MEF2C: variants seen among roughly 807,000 people sequenced by gnomAD.
MEF2C encodes myocyte-specific enhancer factor 2C.
In MEF2C, 6 loss-of-function variants were observed where a neutral mutation model predicts 50.5. The ratio of observed to expected loss-of-function variants is 0.12; its 90% confidence interval spans 0.07 to 0.23. The LOEUF is 0.23. Among genes scored for constraint, MEF2C ranks in the 10% least tolerant of loss-of-function variants. MEF2C has a pLI of 1.00. For synonymous variants in MEF2C, 183 were observed against 228.0 expected (o/e 0.80, Z 1.78); for missense variants, 276 against 605.0 (o/e 0.46, Z 5.70).
chr5:88,734,105 A>G, intron 6 of MEF2C: 2 of 984,936 alleles, frequency 2.0e-6, no homozygotes, highest in Non-Finnish European at 2.4e-6. Context: ...GAGGAGTTTT[A>G]TATTTAATAT....
chr5:88,876,010 T>C (rs1830941485), intron 1 of MEF2C, among the ~76,000 whole-genome samples: 1 of 151,562 alleles, frequency 6.6e-6, no homozygotes, highest in Non-Finnish European at 1.5e-5. Flanking sequence ...TTCTTTATCC[T>C]GAGTGTAATT....
At position 88,751,402 on chromosome 5, in the gene MEF2C, A is replaced by G. The variant is rs906028019; in HGVS notation, c.589+455T>C. 20 of 985,234 alleles carry G rather than the reference A, an allele frequency of 2.0e-5. No homozygotes were observed. The African/African-American group carries it at 3.3e-4, about 16-fold the overall frequency. The allele number at this position is 985,234 out of a possible 1,614,324, so 61.0% of individuals were successfully genotyped here. ...TTCTGCCTAAGTCCTTTGTGGGATA[A>G]GTTACTGTATAAATAAAAAAAAATT... is the stretch of plus-strand genomic sequence containing the variant. On this transcript the variant is annotated intron_variant, in intron 5 of 10. Transcript: ENST00000504921.
intron 3 of MEF2C, among the ~76,000 whole-genome samples, chr5:88,795,913 A>T (rs1423815939): frequency 6.6e-6 from 1 of 151,926 alleles, no homozygotes; most frequent in Non-Finnish European, 1.5e-5. Context: ...GGTTTTTGTC[A>T]TTGTTTCTGT....
intron 1 of MEF2C, among the ~76,000 whole-genome samples, chr5:88,829,849 A>G (rs957392522): frequency 3.3e-5 from 5 of 151,976 alleles, no homozygotes; most frequent in African/African-American, 1.2e-4. Context: ...CATAACTGGG[A>G]AAAAAATCTT....
intron 3 of MEF2C, among the ~76,000 whole-genome samples, chr5:88,784,664 A>G (rs1488218289): frequency 6.6e-6 from 1 of 152,242 alleles, no homozygotes; most frequent in Non-Finnish European, 1.5e-5. Context: ...ATAATATAAT[A>G]TCAAAGGTAA....
intron 6 of MEF2C, chr5:88,737,620 G>T: frequency 3.0e-6 from 3 of 985,320 alleles, no homozygotes; most frequent in Non-Finnish European, 3.6e-6. Flanking sequence ...ATGGTGGCAG[G>T]GTGGCTATTA....
At chr5:88,801,585 C>T (rs73177793) in intron 3 of MEF2C, among the ~76,000 whole-genome samples, 10 of 152,014 alleles carry the variant, frequency 6.6e-5, no homozygotes, top group African/African-American at 1.7e-4. Context: ...CTCTCCCTCC[C>T]GTGTTCAGGC....
At chr5:88,738,701 A>G (rs1288223360) in intron 6 of MEF2C, 2 of 985,276 alleles carry the variant, frequency 2.0e-6, no homozygotes, top group Non-Finnish European at 2.4e-6. Context: ...GAGAGGACAC[A>G]ACTAGGGACA....
intron 4 of MEF2C, among the ~76,000 whole-genome samples, chr5:88,760,711 T>C (rs1777462849): frequency 6.6e-6 from 1 of 152,200 alleles, no homozygotes; most frequent in South Asian, 2.1e-4. Flanking sequence ...ACTGTGTGTT[T>C]AAAAGATTGT....
chr5:88,851,169 G>C (rs950363935), intron 1 of MEF2C, among the ~76,000 whole-genome samples: 2 of 145,994 alleles, frequency 1.4e-5, no homozygotes, highest in Non-Finnish European at 3.0e-5. Context: ...GGAGGTGGAG[G>C]TTGCAGTGAG....
At chr5:88,779,468 A>G (rs1786622053) in intron 3 of MEF2C, among the ~76,000 whole-genome samples, 1 of 152,168 alleles carries the variant, frequency 6.6e-6, no homozygotes, top group Admixed American at 6.5e-5. Flanking sequence ...GATAGATAGA[A>G]ATCAATGAAA....
At chr5:88,849,105 C>T (rs958858621) in intron 1 of MEF2C, among the ~76,000 whole-genome samples, 4 of 145,914 alleles carry the variant, frequency 2.7e-5, no homozygotes, top group Admixed American at 7.0e-5. Context: ...GAGCCGAGAT[C>T]GCGCCAGTGC....
rs1756356236 is a variant in MEF2C, at chr5:88,721,552, TTAAGA to T, written c.*1047_*1051del. On this transcript the variant is annotated 3_prime_UTR_variant, in exon 11 of 11. Transcript: ENST00000504921. Reference sequence around the variant, plus strand: ...GCACAAATATACCCCCCTCCCGCTATTAAGATAACAAAACTTCTGCTATTACCATA... The same window carrying T: ...GCACAAATATACCCCCCTCCCGCTATTAACAAAACTTCTGCTATTACCATA... 6.5e-6 allele frequency: 1 copy of T among 152,692 alleles called. No individual in the cohort carries two copies. Among genetic ancestry groups the T allele is most frequent in the South Asian group, 2.1e-4 (1 of 4,828 alleles). 9.5% of individuals were successfully genotyped at this position (152,692 alleles called of 1,614,324 possible).
In MEF2C at chr5:88,719,493, G is replaced by A. The variant is rs1755569975; in HGVS notation, c.*3111C>T. 1 of 152,208 alleles carries A rather than the reference G, an allele frequency of 6.6e-6. No individual in the cohort carries two copies. 9.4% of individuals were successfully genotyped at this position (152,208 alleles called of 1,614,324 possible). A position where few individuals can be genotyped will look rare whatever the true frequency, so the allele number is the denominator to read the frequency against. Reference sequence around the variant, plus strand: ...TAGATATAACAATACTCGCAGCCGTGTAAAATGCCACTTATGGATCTTTTA... The same window carrying A: ...TAGATATAACAATACTCGCAGCCGTATAAAATGCCACTTATGGATCTTTTA... On this transcript the variant is annotated 3_prime_UTR_variant, in exon 11 of 11. Transcript: ENST00000504921.
chr5:88,731,525 T>C lies in MEF2C; in HGVS notation c.810+204A>G, dbSNP rs191876945. 2.6e-4 allele frequency: 133 copies of C among 517,368 alleles called. 2 individuals carry two copies. The East Asian group carries it at 4.6e-3, about 18-fold the overall frequency. 32.0% of individuals were successfully genotyped at this position (517,368 alleles called of 1,614,324 possible). A position where few individuals can be genotyped will look rare whatever the true frequency, so the allele number is the denominator to read the frequency against. ...CCTAGTGAAGTTCACCAGATATATA[T>C]ATATATTTTTTTTACACGGAAAAGG... On this transcript the variant is annotated intron_variant, in intron 7 of 10. Coordinates refer to ENST00000504921, the MANE Select transcript of MEF2C (RefSeq NM_002397.5).
At chr5:88,744,630 A>G (rs1188099984) in intron 6 of MEF2C, among the ~76,000 whole-genome samples, 1 of 152,244 alleles carries the variant, frequency 6.6e-6, no homozygotes, top group African/African-American at 2.4e-5. Flanking sequence ...GTTAAGAGGA[A>G]AGAATTAAGT....
intron 1 of MEF2C, among the ~76,000 whole-genome samples, chr5:88,899,220 A>G (rs1294355617): frequency 6.6e-6 from 1 of 152,072 alleles, no homozygotes; most frequent in African/African-American, 2.4e-5. Flanking sequence ...AGTATATTGC[A>G]AAGTGATTTT....
chr5:88,830,027 C>G (rs1179019916), intron 1 of MEF2C, among the ~76,000 whole-genome samples: 1 of 151,982 alleles, frequency 6.6e-6, no homozygotes, highest in Non-Finnish European at 1.5e-5. Flanking sequence ...GTAGTCCTTA[C>G]ATTTACCATG....
chr5:88,894,778 TA>T (rs747552928), intron 1 of MEF2C, among the ~76,000 whole-genome samples: 13 of 152,218 alleles, frequency 8.5e-5, no homozygotes, highest in Non-Finnish European at 1.3e-4. Context: ...AAAGGTCTGG[TA>T]TTTTTTTAAA....
Sources: allele counts gnomAD v4.1 joint callset (sites outside exome capture counted in the v4.1 genomes callset), GRCh38; gene constraint gnomAD v4.1.1; transcripts MANE v1.5; gene names NCBI Gene and HGNC (gene_info 2026-07-23, HGNC 2026-07-21).